MTBP: variants seen among roughly 807,000 people sequenced by gnomAD.
MTBP encodes the protein mdm2-binding protein.
A neutral mutation model predicts 117.0 loss-of-function variants in MTBP; 101 were observed. The ratio of observed to expected loss-of-function variants is 0.86; its 90% CI spans 0.73 to 1.02. The LOEUF is 1.02. Ranked by LOEUF, MTBP falls within the 50% of genes least tolerant of loss-of-function variation. The probability of loss-of-function intolerance (pLI) is 0.00; values close to 1 mark genes in which losing one functional copy is unlikely to be tolerated. For missense variants in MTBP, 970 were observed against 1,030.9 expected (o/e 0.94, Z 0.81); for synonymous variants, 350 against 351.5 (o/e 1.00, Z 0.05).
At chr8:120,481,410 G>A (rs1194305743) in intron 11 of MTBP, among the ~76,000 whole-genome samples, 1 of 151,630 alleles carries the variant, frequency 6.6e-6, no homozygotes, top group East Asian at 1.9e-4. Flanking sequence ...GCCAACACTT[G>A]GAAACTATGC....
chr8:120,460,420 C>T (rs1278250327), intron 8 of MTBP, among the ~76,000 whole-genome samples: 1 of 152,036 alleles, frequency 6.6e-6, no homozygotes, highest in Non-Finnish European at 1.5e-5. Context: ...GATATATATA[C>T]ACTTAATCAT....
rs977657362 is a variant in MTBP at position 120,510,117 on chromosome 8, T to C, written c.1979+88T>C. The stretch of plus-strand genomic sequence containing the variant: ...AGTGACTTTAATAAAATGATATAAA[T>C]TGAGACAGAGACCAAGAGGATATGT... On this transcript the variant is annotated intron_variant, in intron 17 of 21. Coordinates refer to ENST00000305949, the MANE Select transcript of MTBP (RefSeq NM_022045.5). 9.3e-6 allele frequency: 9 copies of C among 965,346 alleles called. No homozygotes were observed. The African/African-American group carries it at 1.1e-4, about 12-fold the overall frequency. The allele number at this position is 965,346 out of a possible 1,614,324, so 59.8% of individuals were successfully genotyped here. A position where few individuals can be genotyped will look rare whatever the true frequency, so the allele number is the denominator to read the frequency against.
chr8:120,459,136 T>G (rs1813532412), intron 7 of MTBP, 79 bp from the exon 8 acceptor site: 1 of 1,278,620 alleles, frequency 7.8e-7, no homozygotes, highest in Admixed American at 2.7e-5. Flanking sequence ...CCCTCAACTT[T>G]TACATTGTAA....
intron 11 of MTBP, chr8:120,472,633 T>A (rs1813844375): frequency 6.6e-6 from 1 of 152,214 alleles, no homozygotes; most frequent in Non-Finnish European, 1.5e-5. Flanking sequence ...TCTTCTCAGA[T>A]GATCTCTCCT....
intron 2 of MTBP, among the ~76,000 whole-genome samples, chr8:120,448,687 G>A (rs10109431): frequency 0.87 from 133,080 of 152,200 alleles, 58,348 homozygotes; most frequent in Non-Finnish European, 0.91. Flanking sequence ...AAACTATGCA[G>A]TTATAGTTAG....
At chr8:120,489,542 C>A (rs1295290188) in intron 12 of MTBP, among the ~76,000 whole-genome samples, 1 of 152,200 alleles carries the variant, frequency 6.6e-6, no homozygotes, top group Admixed American at 6.5e-5. Context: ...ATGCCAGCCA[C>A]CAGTAACGGG....
rs886698697 is a variant in MTBP at position 120,497,347 on chromosome 8, C to G, written c.1448-46C>G. 3 of 1,512,406 alleles carry G rather than the reference C, an allele frequency of 2.0e-6. No homozygotes were observed. The African/African-American group carries it at 4.3e-5, about 22-fold the overall frequency. 93.7% of individuals were successfully genotyped at this position (1,512,406 alleles called of 1,614,324 possible). On this transcript the variant is annotated intron_variant, in intron 13 of 21. Coordinates refer to ENST00000305949, the MANE Select transcript of MTBP (RefSeq NM_022045.5). ...TTTCCACAAAAGACTAGTAGATGAG[C>G]TCCAGAGAATACAAAATAAGTCAAT...
Position 120,518,709 on chromosome 8 carries a change from G to A in MTBP, c.2502G>A (p.Leu834=), listed in dbSNP as rs1814964044. 3 of 1,601,016 alleles carry A rather than the reference G, an allele frequency of 1.9e-6. No homozygotes were observed. Among genetic ancestry groups the A allele is most frequent in the Non-Finnish European group, 2.6e-6 (3 of 1,170,798 alleles). The change falls in exon 20 of 22, where the codon CTG becomes CTA. Residue 834 remains leucine (L), a synonymous_variant. Transcript: ENST00000305949. ...ESRSQKHTRI[L]KEVVTETLKK... ...TATGTTATGTTCTGTTCAAGATACT[G>A]AAAGAAGTAGTTACTGAAACCCTGA...
chr8:120,515,973 T>C lies in MTBP; in HGVS notation c.2028T>C (p.Ser676=). The change falls in exon 18 of 22, where the codon TCT becomes TCC. Residue 676 remains serine (S), a synonymous_variant. Transcript: ENST00000305949. ...CTTTGGAAAGAGATGGAGGATTTTC[T>C]GAACTTCAGTCTCGTCTTATTCGTT... ...RKALERDGGF[S]ELQSRLIRYE... The C allele has an allele frequency of 6.2e-7, 1 of 1,612,874 alleles. No individual in the cohort carries two copies. The highest frequency in any genetic ancestry group is 2.2e-5 in the East Asian group (1 of 44,852).
chr8:120,456,424 C>T (rs2130519089), intron 6 of MTBP, 129 bp from the exon 7 acceptor site: 1 of 586,652 alleles, frequency 1.7e-6, no homozygotes, highest in East Asian at 2.9e-5. Flanking sequence ...ATGGGTGTTT[C>T]ATATTAATAG....
At chr8:120,468,326 T>G (rs1331979383) in intron 10 of MTBP, among the ~76,000 whole-genome samples, 2 of 152,180 alleles carry the variant, frequency 1.3e-5, no homozygotes, top group Non-Finnish European at 2.9e-5. Flanking sequence ...GAATTTTAAG[T>G]CATTATAACT....
At chr8:120,446,393 A>C in intron 1 of MTBP, 40 bp from the exon 2 acceptor site, 1 of 1,243,060 alleles carries the variant, frequency 8.0e-7, no homozygotes, top group South Asian at 1.2e-5. Flanking sequence ...GATTATGTAA[A>C]TCTAGAGCCC....
In MTBP at chr8:120,445,594, C is replaced by T. The variant is rs756038570; in HGVS notation, c.118+6C>T. 10 of 1,594,914 alleles carry T rather than the reference C, an allele frequency of 6.3e-6. No individual in the cohort carries two copies. In the South Asian group the frequency reaches 1.0e-4, roughly 16 times the overall value. The stretch of plus-strand genomic sequence containing the variant: ...GGGTACTGAGAATCAGCCGGGTAAG[C>T]GCTGGGATGAGAAAGAGCGGGAACG... On this transcript the variant is annotated splice_donor_region_variant and intron_variant, in intron 1 of 21. Coordinates refer to ENST00000305949, the MANE Select transcript of MTBP (RefSeq NM_022045.5).
chr8:120,448,091 C>T (rs1813265430), intron 2 of MTBP, among the ~76,000 whole-genome samples: 1 of 152,038 alleles, frequency 6.6e-6, no homozygotes, highest in South Asian at 2.1e-4. Flanking sequence ...GCCACCACAC[C>T]TGGCTAATTT....
chr8:120,452,068 A>G (rs1813369585), intron 4 of MTBP: 1 of 152,098 alleles, frequency 6.6e-6, no homozygotes, highest in South Asian at 2.1e-4. Flanking sequence ...TATGTACATG[A>G]TTGAGTTCAC....
Position 120,515,982 on chromosome 8 carries a change from G to C in MTBP, c.2037G>C (p.Gln679His), listed in dbSNP as rs1460071417. 1.2e-6 allele frequency: 2 copies of C among 1,612,934 alleles called. No individual in the cohort carries two copies. The highest frequency in any genetic ancestry group is 3.3e-5 in the Admixed American group (2 of 59,926). The stretch of plus-strand genomic sequence containing the variant: ...GAGATGGAGGATTTTCTGAACTTCA[G>C]TCTCGTCTTATTCGTTATGAAACTC... ...LERDGGFSEL[Q>H]SRLIRYETQT... Residue 679 changes from glutamine (Q) to histidine (H), a missense_variant, in exon 18 of 22, where the codon CAG (glutamine) becomes CAC (histidine). Physicochemically the swap from Gln to His is conservative, Grantham distance 24. Transcript: ENST00000305949.
chr8:120,515,925 A>G lies in MTBP; in HGVS notation c.1980A>G (p.Glu660=). ...TTTAATGCTCTTTCACTCATTTTAG[A>G]TATTGCTTGGATGACCGAAAAGCTT... ...KASVCHYHGI[E]YCLDDRKALE... is the part of the protein sequence containing the mutation. Residue 660 remains glutamate, a splice_region_variant and synonymous_variant, in exon 18 of 22, where the codon GAA becomes GAG. Coordinates refer to ENST00000305949, the MANE Select transcript of MTBP (RefSeq NM_022045.5). 1.7e-5 allele frequency: 27 copies of G among 1,611,438 alleles called. No homozygotes were observed. The highest frequency in any genetic ancestry group is 2.3e-5 in the Non-Finnish European group (27 of 1,178,484).
chr8:120,476,775 A>G (rs1813950945), intron 11 of MTBP, among the ~76,000 whole-genome samples: 1 of 152,182 alleles, frequency 6.6e-6, no homozygotes, highest in South Asian at 2.1e-4. Context: ...ATGGAAGACT[A>G]TTTCATGCTC....
chr8:120,487,680 T>G (rs1036399980), intron 11 of MTBP, among the ~76,000 whole-genome samples: 1 of 152,232 alleles, frequency 6.6e-6, no homozygotes, highest in African/African-American at 2.4e-5. Context: ...GCATGCCAGA[T>G]TAATGAATGC....
Sources: gnomAD v4.1 joint callset for allele counts (sites outside exome capture counted in the v4.1 genomes callset) on GRCh38, gnomAD v4.1.1 for gene constraint, MANE v1.5 for transcripts, NCBI Gene and HGNC (gene_info 2026-07-23, HGNC 2026-07-21) for gene names.